The following CPS1 variants were observed in gnomAD, a reference collection of about 807,000 sequenced individuals.
CPS1 encodes the protein carbamoyl-phosphate synthase 1, also known as carbamoyl-phosphate synthase [ammonia], mitochondrial.
A neutral mutation model predicts 174.6 loss-of-function variants in CPS1; 109 were observed. The observed-to-expected ratio is 0.62, with a 90% CI of 0.53 to 0.73. The LOEUF (loss-of-function observed/expected upper bound fraction) is 0.73, where lower values mean the gene tolerates loss of function less well. Among genes scored for constraint, CPS1 ranks in the 30% least tolerant of loss-of-function variants. The probability of loss-of-function intolerance (pLI) is 0.00; values close to 1 mark genes in which losing one functional copy is unlikely to be tolerated. For missense variants in CPS1, 1,689 were observed against 1,821.9 expected (o/e 0.93, Z 1.33); for synonymous variants, 637 against 632.0 (o/e 1.01, Z -0.12).
In CPS1 at chr2:210,529,241, TAGG is replaced by T. The variant is rs566335790; in HGVS notation, c.4-27477_4-27475del. Among the ~76,000 whole-genome samples, 616 of 152,056 alleles carry T rather than the reference TAGG, an allele frequency of 4.1e-3. 3 individuals are homozygous for T. The highest frequency in any genetic ancestry group is 6.8e-3 in the Middle Eastern group (2 of 294). On this transcript the variant is annotated intron_variant, in intron 1 of 38. Coordinates refer to the CPS1 transcript ENST00000430249. ...CAATCTCCTAAGGCTTAGCACTTAG[TAGG>T]TGGAACTAAAACATCATTTAGACAT...
In CPS1 at chr2:210,666,807, C is replaced by T. The variant is rs529386561; in HGVS notation, c.4003-1379C>T. Among the ~76,000 whole-genome samples the T allele has an allele frequency of 1.6e-4, 24 of 152,198 alleles. No homozygotes were observed. The South Asian group carries it at 3.3e-3, about 21-fold the overall frequency. ...TTGACTTAGGATTGACTTGGCAATG[C>T]GGGCTCTTTTTTGGTTCCATATGAA... is the stretch of plus-strand genomic sequence containing the variant. On this transcript the variant is annotated intron_variant, in intron 33 of 37. Transcript: ENST00000233072.
chr2:210,583,811 T>G (rs1054545265), intron 6 of CPS1, among the ~76,000 whole-genome samples: 1 of 152,088 alleles, frequency 6.6e-6, no homozygotes, highest in Non-Finnish European at 1.5e-5. Context: ...TTGGTGTCAT[T>G]TTGGAGCAAA....
In CPS1 at chr2:210,661,836, T is replaced by C. The variant is rs539445278; in HGVS notation, c.3927+1181T>C. Among the ~76,000 whole-genome samples, 29 of 152,028 alleles carry C rather than the reference T, an allele frequency of 1.9e-4. 1 individual carries two copies. The highest frequency in any genetic ancestry group is 3.8e-4 in the Non-Finnish European group (26 of 68,004). ...TTCTTTATTCATAGTTATAGGAGTATGCTTATTTCTTTTAGTAAATTGATA... is the reference window on the plus strand; with the variant it reads ...TTCTTTATTCATAGTTATAGGAGTACGCTTATTTCTTTTAGTAAATTGATA... On this transcript the variant is annotated intron_variant, in intron 32 of 37. Transcript: ENST00000233072.
At chr2:210,535,443 CCTT>C (rs747165407) in intron 1 of CPS1, among the ~76,000 whole-genome samples, 26 of 152,146 alleles carry the variant, frequency 1.7e-4, no homozygotes, top group Non-Finnish European at 3.4e-4. Context: ...ATGTTTCATC[CCTT>C]CTTTAAGTTT....
At chr2:210,576,517 A>T (rs1466935864) in intron 3 of CPS1, 27 bp downstream of exon 3, 4 of 1,612,980 alleles carry the variant, frequency 2.5e-6, no homozygotes, top group Non-Finnish European at 3.4e-6. Context: ...CCATTTAAAA[A>T]GTCTCAATTT....
intron 1 of CPS1, among the ~76,000 whole-genome samples, chr2:210,536,022 T>C (rs984644386): frequency 3.3e-5 from 5 of 152,080 alleles, no homozygotes; most frequent in Non-Finnish European, 5.9e-5. Flanking sequence ...TACATCCAGA[T>C]GCACTCAGCT....
intron 6 of CPS1, among the ~76,000 whole-genome samples, chr2:210,587,175 A>G (rs1167610642): frequency 1.3e-5 from 2 of 152,086 alleles, no homozygotes; most frequent in African/African-American, 4.8e-5. Context: ...TTCACATTCT[A>G]TACAGACTTA....
intron 1 of CPS1, among the ~76,000 whole-genome samples, chr2:210,501,813 C>T (rs1395892923): frequency 6.6e-6 from 1 of 152,130 alleles, no homozygotes; most frequent in African/African-American, 2.4e-5. Context: ...GCCTGTTACC[C>T]ACTTCTAAAG....
chr2:210,501,565 G>A (rs1695139058), intron 1 of CPS1, among the ~76,000 whole-genome samples: 1 of 152,146 alleles, frequency 6.6e-6, no homozygotes, highest in Admixed American at 6.5e-5. Flanking sequence ...AAGTTCTACA[G>A]ATCTCTAGGG....
chr2:210,616,681 C>T, intron 21 of CPS1, 140 bp downstream of exon 21: 1 of 692,872 alleles, frequency 1.4e-6, no homozygotes, highest in Admixed American at 2.3e-5. Context: ...GTACCCGTAG[C>T]CAGAAGACAA....
chr2:210,602,096 T>G, intron 15 of CPS1, 106 bp from the exon 16 acceptor site: 1 of 1,311,026 alleles, frequency 7.6e-7, no homozygotes, highest in Non-Finnish European at 1.1e-6. Context: ...CTAGATTCAC[T>G]CTCCCCACAT....
At chr2:210,597,780 G>T (rs771376038) in intron 13 of CPS1, among the ~76,000 whole-genome samples, 31 of 150,502 alleles carry the variant, frequency 2.1e-4, no homozygotes, top group Non-Finnish European at 3.4e-4. Context: ...TATTTTGAAG[G>T]TCTCTCCCGA....
chr2:210,675,604 A>G (rs891497010), intron 35 of CPS1, 124 bp from the exon 36 acceptor site: 1 of 714,868 alleles, frequency 1.4e-6, no homozygotes, highest in East Asian at 2.7e-5. Flanking sequence ...CCAAGTCTCT[A>G]TCCATGGCAC....
At chr2:210,543,358 C>T (rs961617868) in intron 1 of CPS1, among the ~76,000 whole-genome samples, 1 of 151,968 alleles carries the variant, frequency 6.6e-6, no homozygotes, top group African/African-American at 2.4e-5. Context: ...GGTCTGATTG[C>T]CTTTCAGATC....
At position 210,677,989 on chromosome 2, in the gene CPS1, T is replaced by G; in HGVS notation, c.*4T>G. ...CAGTGCTGGAAAAGCAGCATAGAGA[T>G]GCAGACACCCCAGCCCCATTATTAA... On this transcript the variant is annotated 3_prime_UTR_variant, in exon 38 of 38. Transcript: ENST00000233072. The G allele has an allele frequency of 6.2e-7, 1 of 1,600,130 alleles. No individual in the cohort carries two copies.
intron 1 of CPS1, among the ~76,000 whole-genome samples, chr2:210,515,097 C>T (rs546882468): frequency 1.3e-5 from 2 of 151,822 alleles, no homozygotes; most frequent in East Asian, 1.9e-4. Context: ...ATTTGATTTG[C>T]TAGTATCTTG....
intron 1 of CPS1, among the ~76,000 whole-genome samples, chr2:210,565,003 T>C (rs978115855): frequency 2.0e-5 from 3 of 149,540 alleles, no homozygotes; most frequent in Admixed American, 6.6e-5. Context: ...AAAAAATAAA[T>C]AAATAAAAAT....
Position 210,600,832 on chromosome 2 carries a change from G to T in CPS1, c.1707+120G>T, listed in dbSNP as rs1017124729. On this transcript the variant is annotated intron_variant, in intron 15 of 37. Coordinates refer to ENST00000233072, the MANE Select transcript of CPS1 (RefSeq NM_001875.5). ...TTATACTTGCATGCATTTTCTTCTAGAATTGTGTTAATAGTTTAGAAATAT... is the reference window on the plus strand; with the variant it reads ...TTATACTTGCATGCATTTTCTTCTATAATTGTGTTAATAGTTTAGAAATAT... 7 of 1,140,630 alleles carry T rather than the reference G, an allele frequency of 6.1e-6. No individual in the cohort carries two copies. The African/African-American group carries it at 9.3e-5, about 15-fold the overall frequency. The allele number at this position is 1,140,630 out of a possible 1,614,324, so 70.7% of individuals were successfully genotyped here.
chr2:210,570,350 A>C (rs1162656178), intron 1 of CPS1, among the ~76,000 whole-genome samples: 1 of 152,002 alleles, frequency 6.6e-6, no homozygotes, highest in Non-Finnish European at 1.5e-5. Flanking sequence ...GGAAAGCAAA[A>C]TAGAAAACTA....
Sources: allele counts gnomAD v4.1 joint callset (sites outside exome capture counted in the v4.1 genomes callset), GRCh38; gene constraint gnomAD v4.1.1; transcripts MANE v1.5; gene names NCBI Gene and HGNC (gene_info 2026-07-23, HGNC 2026-07-21).